Variants in CRIM1 observed in about 807,000 individuals in gnomAD.
The protein encoded by CRIM1 is cysteine-rich motor neuron 1 protein.
In CRIM1, 32 loss-of-function variants were observed where a neutral mutation model predicts 116.4. The ratio of observed to expected loss-of-function variants is 0.27; its 90% CI spans 0.21 to 0.37. CRIM1 has a LOEUF of 0.37. CRIM1 is among the 10% of genes least tolerant of loss of function. CRIM1 has a pLI of 1.00. For synonymous variants in CRIM1, 590 were observed against 509.2 expected (o/e 1.16, Z -2.13); for missense variants, 1,331 against 1,354.8 (o/e 0.98, Z 0.28).
chr2:36,397,312 A>G (rs756354930), intron 2 of CRIM1, among the ~76,000 whole-genome samples: 2 of 152,220 alleles, frequency 1.3e-5, no homozygotes, highest in Non-Finnish European at 2.9e-5. Context: ...CAGAAATTGC[A>G]TTCAAGTAAC....
At chr2:36,472,778 C>T (rs1678635102) in intron 5 of CRIM1, among the ~76,000 whole-genome samples, 1 of 152,122 alleles carries the variant, frequency 6.6e-6, no homozygotes, top group Non-Finnish European at 1.5e-5. Context: ...CGCTCTACAG[C>T]CTGCAAATTT....
intron 2 of CRIM1, among the ~76,000 whole-genome samples, chr2:36,402,304 A>C (rs1672467884): frequency 6.6e-6 from 1 of 152,160 alleles, no homozygotes; most frequent in Admixed American, 6.5e-5. Context: ...CTGAAATCTC[A>C]AAGCCCAAAG....
At chr2:36,418,282 T>C (rs1020570850) in intron 2 of CRIM1, among the ~76,000 whole-genome samples, 5 of 152,128 alleles carry the variant, frequency 3.3e-5, no homozygotes, top group Non-Finnish European at 4.4e-5. Flanking sequence ...GTCCTGCCTC[T>C]CTCACTTTTC....
chr2:36,388,519 A>C (rs964657282), intron 1 of CRIM1, among the ~76,000 whole-genome samples: 1 of 152,216 alleles, frequency 6.6e-6, no homozygotes, highest in Non-Finnish European at 1.5e-5. Flanking sequence ...TGGATTATCC[A>C]TTCTATGTCC....
chr2:36,438,546 T>C (rs1675522089), intron 2 of CRIM1, among the ~76,000 whole-genome samples: 1 of 152,186 alleles, frequency 6.6e-6, no homozygotes. Flanking sequence ...TCACGGCAGT[T>C]CCTTGGGGGG....
rs1030023955 is a variant in CRIM1, at chr2:36,550,252, T to C, written c.*1551T>C. On this transcript the variant is annotated 3_prime_UTR_variant, in exon 17 of 17. Transcript: ENST00000280527. ...CTCCTGGATTTTTTTTTTTTTTTTT[T>C]CAAACAATGGTTTGAAACAACTACT... 12 of 143,210 alleles carry C rather than the reference T, an allele frequency of 8.4e-5. No homozygotes were observed. The highest frequency in any genetic ancestry group is 9.1e-5 in the Non-Finnish European group (6 of 65,712). The allele number at this position is 143,210 out of a possible 1,614,324, so 8.9% of individuals were successfully genotyped here. A position where few individuals can be genotyped will look rare whatever the true frequency, so the allele number is the denominator to read the frequency against.
intron 4 of CRIM1, among the ~76,000 whole-genome samples, chr2:36,444,999 A>G (rs943168470): frequency 6.6e-6 from 1 of 152,048 alleles, no homozygotes; most frequent in African/African-American, 2.4e-5. Flanking sequence ...CATTGAACAT[A>G]CTGATGTTTT....
chr2:36,427,567 T>G (rs1240512901), intron 2 of CRIM1, among the ~76,000 whole-genome samples: 1 of 152,128 alleles, frequency 6.6e-6, no homozygotes, highest in East Asian at 1.9e-4. Context: ...CTACCATCTT[T>G]CATGTTGAGA....
At chr2:36,508,098 A>T (rs2125103075) in intron 8 of CRIM1, among the ~76,000 whole-genome samples, 1 of 152,284 alleles carries the variant, frequency 6.6e-6, no homozygotes. Flanking sequence ...AAAAATTATG[A>T]CCTTTCAAGT....
Position 36,408,790 on chromosome 2 carries a change from AG to A in CRIM1, c.505+12004del, listed in dbSNP as rs1307348188. Among the ~76,000 whole-genome samples the A allele has an allele frequency of 2.7e-3, 417 of 152,188 alleles. 2 individuals are homozygous for A. The highest frequency in any genetic ancestry group is 9.5e-3 in the African/African-American group (396 of 41,508). On this transcript the variant is annotated intron_variant, in intron 2 of 16. Transcript: ENST00000280527. ...GACAGTTTATATCCTGCTTATGAGA[AG>A]AAAAAAAAAAAGTCTGTGCAAGGGA...
At chr2:36,405,316 C>T (rs936778912) in intron 2 of CRIM1, among the ~76,000 whole-genome samples, 5 of 152,142 alleles carry the variant, frequency 3.3e-5, no homozygotes, top group East Asian at 3.9e-4. Context: ...GCCACTAGAA[C>T]CGCTTCATGG....
At chr2:36,516,198 C>T (rs1665021507) in intron 11 of CRIM1, among the ~76,000 whole-genome samples, 1 of 152,214 alleles carries the variant, frequency 6.6e-6, no homozygotes, top group South Asian at 2.1e-4. Flanking sequence ...CTAACCACCA[C>T]TTTGAAAGTC....
chr2:36,406,026 AT>A (rs534329686), intron 2 of CRIM1, among the ~76,000 whole-genome samples: 1 of 151,826 alleles, frequency 6.6e-6, no homozygotes, highest in Non-Finnish European at 1.5e-5. Context: ...ATGTCTATGG[AT>A]TTTTTTTGGC....
At chr2:36,464,748 G>A in intron 5 of CRIM1, 93 bp downstream of exon 5, 1 of 1,489,456 alleles carries the variant, frequency 6.7e-7, no homozygotes, top group Non-Finnish European at 9.3e-7. Flanking sequence ...CTTTTACAAA[G>A]CAGGGATTAC....
intron 7 of CRIM1, among the ~76,000 whole-genome samples, chr2:36,494,728 G>C (rs184012568): frequency 6.6e-6 from 1 of 152,242 alleles, no homozygotes; most frequent in Non-Finnish European, 1.5e-5. Context: ...TTGCTTCTAG[G>C]CTCAGAATAT....
chr2:36,487,994 A>G (rs1178971628), intron 7 of CRIM1, among the ~76,000 whole-genome samples: 1 of 152,210 alleles, frequency 6.6e-6, no homozygotes, highest in Non-Finnish European at 1.5e-5. Context: ...CGATTCTAAT[A>G]TAATTTATTT....
intron 2 of CRIM1, among the ~76,000 whole-genome samples, chr2:36,400,376 T>C (rs1672323914): frequency 6.6e-6 from 1 of 152,068 alleles, no homozygotes. Flanking sequence ...GGAGGTCAGA[T>C]AGGTGAGTCA....
chr2:36,413,717 C>G (rs959699226), intron 2 of CRIM1, among the ~76,000 whole-genome samples: 1 of 152,176 alleles, frequency 6.6e-6, no homozygotes, highest in Non-Finnish European at 1.5e-5. Context: ...TGTTCCAATT[C>G]TTTCATCTTT....
intron 1 of CRIM1, among the ~76,000 whole-genome samples, chr2:36,363,540 C>T (rs1669382785): frequency 6.9e-6 from 1 of 144,868 alleles, no homozygotes; most frequent in South Asian, 2.3e-4. Context: ...CCCCCCCCCC[C>T]CATGACTATC....
Sources: gnomAD v4.1 joint callset for allele counts (sites outside exome capture counted in the v4.1 genomes callset) on GRCh38, gnomAD v4.1.1 for gene constraint, MANE v1.5 for transcripts, NCBI Gene and HGNC (gene_info 2026-07-23, HGNC 2026-07-21) for gene names.